RBM39: variants seen among roughly 807,000 people sequenced by gnomAD.
RBM39 encodes the protein RNA binding motif protein 39.
RBM39 carries 12 observed loss-of-function variants against 79.6 expected under a neutral mutation model. The ratio of observed to expected loss-of-function variants is 0.15; its 90% CI spans 0.10 to 0.24. The LOEUF is 0.24. RBM39 is among the 10% of genes least tolerant of loss of function. The pLI is 1.00. For missense variants in RBM39, 243 were observed against 653.4 expected (o/e 0.37, Z 6.85); for synonymous variants, 185 against 208.4 (o/e 0.89, Z 0.97).
At chr20:35,739,783 G>C (rs2040331652) in intron 2 of RBM39, 1 of 252,830 alleles carries the variant, frequency 4.0e-6, no homozygotes, top group South Asian at 4.3e-5. Context: ...AATCTATCAA[G>C]AATTCATCCA....
intron 2 of RBM39, chr20:35,740,306 T>C (rs534347686): frequency 8.1e-5 from 25 of 306,948 alleles, no homozygotes; most frequent in East Asian, 2.6e-4. Context: ...CAGTCTTACA[T>C]AGATACATAA....
chr20:35,723,043 T>C (rs764655100), intron 8 of RBM39, among the ~76,000 whole-genome samples: 11 of 151,946 alleles, frequency 7.2e-5, no homozygotes, highest in South Asian at 4.2e-4. Context: ...CCACAAATAC[T>C]AAATACAGAG....
chr20:35,731,927 C>T lies in RBM39; in HGVS notation c.296+14G>A. On this transcript the variant is annotated intron_variant, in intron 4 of 16. Transcript: ENST00000253363. ...AATAACCCTCAAACCAAAATCATAA[C>T]TATAGTTACATACTAAGGACTTCTG... is the stretch of plus-strand genomic sequence containing the variant. 6.2e-7 allele frequency: 1 copy of T among 1,612,268 alleles called. No homozygotes were observed. The highest frequency in any genetic ancestry group is 1.7e-5 in the Admixed American group (1 of 59,772).
chr20:35,733,998 A>G (rs2039650132), intron 3 of RBM39, among the ~76,000 whole-genome samples: 2 of 152,216 alleles, frequency 1.3e-5, no homozygotes, highest in South Asian at 4.1e-4. Flanking sequence ...TATTCCACGA[A>G]AATGTCTATT....
intron 9 of RBM39, among the ~76,000 whole-genome samples, chr20:35,721,183 G>A (rs2037892077): frequency 1.3e-5 from 2 of 151,970 alleles, no homozygotes; most frequent in African/African-American, 2.4e-5. Flanking sequence ...TGCCCACCTC[G>A]GCCTCCCTCC....
chr20:35,716,670 C>A (rs2037173487), intron 10 of RBM39, 70 bp downstream of exon 10: 2 of 957,952 alleles, frequency 2.1e-6, no homozygotes, highest in Non-Finnish European at 3.2e-6. Context: ...AGAGACTAAT[C>A]TGAGCAACAC....
intron 6 of RBM39, among the ~76,000 whole-genome samples, chr20:35,727,455 C>A (rs928487597): frequency 6.7e-6 from 1 of 149,554 alleles, no homozygotes; most frequent in African/African-American, 2.5e-5. Context: ...ATTCCTTGAA[C>A]CGAAATCGTA....
chr20:35,729,576 T>G, intron 4 of RBM39, 49 bp from the exon 5 acceptor site: 1 of 1,531,090 alleles, frequency 6.5e-7, no homozygotes, highest in Non-Finnish European at 9.0e-7. Context: ...AGGGTCTTGC[T>G]AAGATCGCAT....
At chr20:35,704,606 G>C (rs768399465) in intron 16 of RBM39, 25 bp from the exon 17 acceptor site, 2 of 1,609,872 alleles carry the variant, frequency 1.2e-6, no homozygotes, top group Admixed American at 3.3e-5. Context: ...AGACATGTTG[G>C]GTTTAGCATC....
At position 35,731,704 on chromosome 20, in the gene RBM39, A is replaced by T. The variant is rs1264443663; in HGVS notation, c.296+237T>A. 3 of 535,762 alleles carry T rather than the reference A, an allele frequency of 5.6e-6. No individual in the cohort carries two copies. In the East Asian group the frequency reaches 9.3e-5, roughly 17 times the overall value. 33.2% of individuals were successfully genotyped at this position (535,762 alleles called of 1,614,324 possible). On this transcript the variant is annotated intron_variant, in intron 4 of 16. Transcript: ENST00000253363. Reference sequence around the variant, plus strand: ...TGCGTTGACTGGCATACAATTTAGAAACTCTGATAGTTTAACAGAAAATAG... The same window carrying T: ...TGCGTTGACTGGCATACAATTTAGATACTCTGATAGTTTAACAGAAAATAG...
At position 35,701,987 on chromosome 20, in the gene RBM39, T is replaced by G. The variant is rs1393839606; in HGVS notation, c.*2494A>C. 6.6e-6 allele frequency: 1 copy of G among 152,170 alleles called. No homozygotes were observed. Among genetic ancestry groups the G allele is most frequent in the African/African-American group, 2.4e-5 (1 of 41,448 alleles). 9.4% of individuals were successfully genotyped at this position (152,170 alleles called of 1,614,324 possible). The stretch of plus-strand genomic sequence containing the variant: ...AAAAAATAGAAACTTCTGTAGCTTC[T>G]CAACTGGCTAAATTCCAGATGATTT... On this transcript the variant is annotated 3_prime_UTR_variant, in exon 17 of 17. Coordinates refer to ENST00000253363, the MANE Select transcript of RBM39 (RefSeq NM_184234.3).
At chr20:35,722,619 G>A (rs2038113577) in intron 8 of RBM39, among the ~76,000 whole-genome samples, 1 of 151,712 alleles carries the variant, frequency 6.6e-6, no homozygotes, top group Non-Finnish European at 1.5e-5. Flanking sequence ...TGTTTTCAGA[G>A]CACATGCCAG....
chr20:35,707,046 A>G lies in RBM39; in HGVS notation c.1307+74T>C. 4.2e-6 allele frequency: 3 copies of G among 709,114 alleles called. No homozygotes were observed. In the South Asian group the frequency reaches 8.7e-5, roughly 20 times the overall value. 43.9% of individuals were successfully genotyped at this position (709,114 alleles called of 1,614,324 possible). On this transcript the variant is annotated intron_variant, in intron 14 of 16. Coordinates refer to ENST00000253363, the MANE Select transcript of RBM39 (RefSeq NM_184234.3). ...CCATCTTAAAAAAAAAAAAAAAAAA[A>G]AAAAAGAGAAATATATAAAACAACT...
Position 35,705,282 on chromosome 20 carries a change from T to G in RBM39, c.1356A>C (p.Glu452Asp). The G allele has an allele frequency of 6.3e-7, 1 of 1,582,594 alleles. No homozygotes were observed. The highest frequency in any genetic ancestry group is 1.4e-5 in the African/African-American group (1 of 72,510). ...TAACTCCTCCATGTTTATTACATTC[T>G]TCAATCACATCATCCTTAATCTCGG... ...WDTEIKDDVI[E>D]ECNKHGGVIH... is the part of the protein sequence containing the mutation. Residue 452 changes from glutamate to aspartate, a missense_variant, in exon 15 of 17, where the codon GAA becomes GAC. Glu to Asp is a conservative substitution (Grantham distance 45). Transcript: ENST00000253363.
At chr20:35,706,815 G>A (rs924819430) in intron 14 of RBM39, among the ~76,000 whole-genome samples, 2 of 151,858 alleles carry the variant, frequency 1.3e-5, no homozygotes, top group African/African-American at 4.8e-5. Flanking sequence ...ATCACCTCAG[G>A]TCGGGAGTTT....
intron 10 of RBM39, 101 bp downstream of exon 10, chr20:35,716,639 C>T: frequency 1.3e-6 from 1 of 746,314 alleles, no homozygotes; most frequent in South Asian, 1.7e-5. Flanking sequence ...TAAGGTGGGA[C>T]ATCATTTAAG....
intron 13 of RBM39, among the ~76,000 whole-genome samples, chr20:35,708,153 T>C (rs1399010144): frequency 6.6e-6 from 1 of 151,890 alleles, no homozygotes; most frequent in Admixed American, 6.6e-5. Flanking sequence ...CTGTAACATA[T>C]AAGTTTTTTC....
intron 2 of RBM39, chr20:35,740,576 G>T: frequency 6.9e-7 from 1 of 1,441,520 alleles, no homozygotes; most frequent in Non-Finnish European, 9.3e-7. Context: ...TGGGAGTAGA[G>T]GTGAGATATC....
chr20:35,732,280 TAAAAAA>T (rs11479445), intron 3 of RBM39, 145 bp from the exon 4 acceptor site: 1 of 470,308 alleles, frequency 2.1e-6, no homozygotes. Flanking sequence ...TAATCATACT[TAAAAAA>T]AAAAAAAAAT....
Sources: gnomAD v4.1 joint callset for allele counts (sites outside exome capture counted in the v4.1 genomes callset) on GRCh38, gnomAD v4.1.1 for gene constraint, MANE v1.5 for transcripts, NCBI Gene and HGNC (gene_info 2026-07-23, HGNC 2026-07-21) for gene names.